ORMDL1: variants seen among roughly 807,000 people sequenced by gnomAD.
ORMDL1 encodes ORM1-like protein 1.
In ORMDL1, 10 loss-of-function variants were observed where a neutral mutation model predicts 13.0. That is an observed-to-expected ratio of 0.77 (90% CI 0.47 to 1.30). The LOEUF (loss-of-function observed/expected upper bound fraction) is 1.30. Ranked by LOEUF, ORMDL1 falls within the 50% of genes most tolerant of loss-of-function variation. The pLI, the probability that ORMDL1 is intolerant of heterozygous loss-of-function variation, is 0.00. For missense variants in ORMDL1, 171 were observed against 186.7 expected (o/e 0.92, Z 0.49); for synonymous variants, 61 against 63.9 (o/e 0.95, Z 0.22).
In ORMDL1 at chr2:189,782,494, A is replaced by T; in HGVS notation, c.102T>A (p.His34Gln). ...LTYALGVGLL[H>Q]IVLLSIPFFS... is the part of the protein sequence containing the mutation. ...AGAAGGGAATGCTGAGTAAGACAAT[A>T]TGAAGCAAGCCAACTCCCAATGCAT... Residue 34 changes from histidine (H) to glutamine (Q), a missense_variant, in exon 3 of 5, where the codon CAT becomes CAA. By Grantham distance (24) the His-to-Gln change is conservative. Coordinates refer to ENST00000392349, the MANE Select transcript of ORMDL1 (RefSeq NM_016467.5). The T allele has an allele frequency of 6.2e-7, 1 of 1,614,224 alleles. No homozygotes were observed. The highest frequency in any genetic ancestry group is 8.5e-7 in the Non-Finnish European group (1 of 1,180,016).
chr2:189,765,031 C>T, the ORMDL1 span: 1 of 152,082 alleles, frequency 6.6e-6, no homozygotes, highest in African/African-American at 2.4e-5. Flanking sequence ...TGACATTTCA[C>T]TATGTTGGCC....
downstream of ORMDL1, among the ~76,000 whole-genome samples, chr2:189,769,801 A>G (rs2047541130): frequency 6.6e-6 from 1 of 152,210 alleles, no homozygotes; most frequent in Non-Finnish European, 1.5e-5. Flanking sequence ...AATCATCACT[A>G]GAACTCCACA....
chr2:189,776,286 T>TA (rs1200863325), intron 3 of ORMDL1, among the ~76,000 whole-genome samples: 1 of 152,212 alleles, frequency 6.6e-6, no homozygotes, highest in African/African-American at 2.4e-5. Context: ...ATTCCCTTTT[T>TA]AAATCGCTAT....
At chr2:189,766,047 C>T (rs533993217), downstream of ORMDL1, among the ~76,000 whole-genome samples, 1 of 151,714 alleles carries the variant, frequency 6.6e-6, no homozygotes, top group African/African-American at 2.4e-5. Context: ...GGATGGTCTC[C>T]ATCTCTTGAC....
At chr2:189,784,044 C>G (rs571494262) in intron 1 of ORMDL1, 6 of 152,694 alleles carry the variant, frequency 3.9e-5, no homozygotes, top group African/African-American at 1.4e-4. Context: ...TCCCCCAACC[C>G]GCCCCTTCCT....
At position 189,771,789 on chromosome 2, in the gene ORMDL1, A is replaced by G; in HGVS notation, c.440T>C (p.Ile147Thr). ...PKMPQLHGVR[I>T]FGINKY ...ATTTCAATACTTATTAATTCCAAAG[A>G]TCCGAACACCATGTAGTTGTGGCAT... Residue 147 changes from isoleucine to threonine, a missense_variant, in exon 5 of 5, where the codon ATC (isoleucine) becomes ACC (threonine). Transcript: ENST00000392349. The G allele has an allele frequency of 1.2e-6, 2 of 1,600,630 alleles. No homozygotes were observed. The highest frequency in any genetic ancestry group is 1.7e-6 in the Non-Finnish European group (2 of 1,176,456).
chr2:189,777,845 A>C lies in ORMDL1; in HGVS notation c.175-2129T>G, dbSNP rs57960654. ...AAAGGCAAATATACTGTATTTTTCT[A>C]ACCGGGTGTAACAATTAGGTCCATT... On this transcript the variant is annotated intron_variant, in intron 3 of 4. Coordinates refer to ENST00000392349, the MANE Select transcript of ORMDL1 (RefSeq NM_016467.5). 9.2e-5 allele frequency among the ~76,000 whole-genome samples: 14 copies of C among 152,310 alleles called. No homozygotes were observed. The East Asian group carries it at 2.7e-3, about 29-fold the overall frequency.
chr2:189,782,641 T>C, intron 2 of ORMDL1, 39 bp from the exon 3 acceptor site: 2 of 1,570,838 alleles, frequency 1.3e-6, no homozygotes, highest in Non-Finnish European at 1.7e-6. Flanking sequence ...CTGATACAAC[T>C]GGCAACCTAA....
intron 3 of ORMDL1, among the ~76,000 whole-genome samples, chr2:189,781,206 A>T (rs11888722): frequency 0.012 from 1,831 of 152,256 alleles, 46 homozygotes; most frequent in African/African-American, 0.042. Flanking sequence ...TACAGGCATG[A>T]GCCACCGTGA....
Position 189,775,664 on chromosome 2 carries a change from T to A in ORMDL1, c.227A>T (p.Asp76Val), listed in dbSNP as rs1337466620. Residue 76 changes from aspartate (D) to valine (V), a missense_variant, in exon 4 of 5, where the codon GAC (aspartate) becomes GTC (valine). Physicochemically the swap from Asp to Val is radical, Grantham distance 152. Transcript: ENST00000392349. ...AVKGTPFETPDQGKARLLTHW... is the reference protein window; with the variant it reads ...AVKGTPFETPVQGKARLLTHW... ...AGTTAGGAGCCTTGCTTTACCCTGGTCAGGAGTTTCGAAAGGTGTTCCTTT... is the reference window on the plus strand; with the variant it reads ...AGTTAGGAGCCTTGCTTTACCCTGGACAGGAGTTTCGAAAGGTGTTCCTTT... The A allele has an allele frequency of 6.2e-7, 1 of 1,613,994 alleles. No individual in the cohort carries two copies. The highest frequency in any genetic ancestry group is 8.5e-7 in the Non-Finnish European group (1 of 1,179,892).
chr2:189,778,382 G>GA, intron 3 of ORMDL1: 1 of 453,884 alleles, frequency 2.2e-6, no homozygotes, highest in Non-Finnish European at 4.4e-6. Context: ...GTGACAGAGT[G>GA]AAACTCCGTC....
intron 4 of ORMDL1, 160 bp downstream of exon 4, chr2:189,775,405 A>G: frequency 2.8e-6 from 2 of 715,436 alleles, no homozygotes; most frequent in Non-Finnish European, 4.4e-6. Flanking sequence ...GTTTATTATC[A>G]ACTTGTTAAA....
chr2:189,777,267 G>C (rs2047720074), intron 3 of ORMDL1, among the ~76,000 whole-genome samples: 1 of 152,162 alleles, frequency 6.6e-6, no homozygotes, highest in African/African-American at 2.4e-5. Flanking sequence ...TCCAACATTA[G>C]AAATGTTGGA....
rs942688756 is a variant in ORMDL1, at chr2:189,782,578, G to A, written c.18C>T (p.Ala6=). ...GGGTATTTGGATTCACTTCACTGTG[G>A]GCAACTCCAACGTTCATGTTTGCTC... MNVGV[A]HSEVNPNTRV... The change falls in exon 3 of 5, where the codon GCC becomes GCT. Residue 6 remains alanine, a synonymous_variant. Transcript: ENST00000392349. The A allele has an allele frequency of 1.2e-5, 19 of 1,613,954 alleles. No individual in the cohort carries two copies. Among genetic ancestry groups the A allele is most frequent in the Non-Finnish European group, 1.6e-5 (19 of 1,179,930 alleles).
chr2:189,771,844 CTG>C lies in ORMDL1; in HGVS notation c.383_384del (p.Thr128SerfsTer23). The C allele has an allele frequency of 1.2e-6, 2 of 1,610,354 alleles. No homozygotes were observed. The highest frequency in any genetic ancestry group is 1.7e-6 in the Non-Finnish European group (2 of 1,177,226). ...GGAATTAGTACACTCAGGAGAGAAGCTGTGTTTAGGATGAAGTGAGTTGGATC... is the reference window on the plus strand; with the variant it reads ...GGAATTAGTACACTCAGGAGAGAAGCTGTTTAGGATGAAGTGAGTTGGATC... Reference protein sequence around the residue: ...KYDPTHFILNTASLLSVLIPK... With the variant: ...KYDPTHFILNXASLLSVLIPK... On this transcript the variant is annotated frameshift_variant, in exon 5 of 5. Transcript: ENST00000392349. LOFTEE classifies it high-confidence loss of function.
intron 3 of ORMDL1, among the ~76,000 whole-genome samples, chr2:189,776,770 A>G (rs2047706599): frequency 6.6e-6 from 1 of 152,190 alleles, no homozygotes; most frequent in South Asian, 2.1e-4. Context: ...CTCATGTTCA[A>G]TTGGATTTAA....
chr2:189,767,368 C>CATCT (rs1322954437), downstream of ORMDL1, among the ~76,000 whole-genome samples: 2 of 152,200 alleles, frequency 1.3e-5, no homozygotes, highest in African/African-American at 4.8e-5. Flanking sequence ...ACTAATAAAT[C>CATCT]ATCTGGCTTC....
chr2:189,770,047 C>G (rs930777671), downstream of ORMDL1, among the ~76,000 whole-genome samples: 5 of 152,238 alleles, frequency 3.3e-5, no homozygotes, highest in African/African-American at 1.2e-4. Flanking sequence ...TCCTCAATAC[C>G]TAACATAATT....
chr2:189,779,815 G>A (rs2047783135), intron 3 of ORMDL1, among the ~76,000 whole-genome samples: 1 of 152,202 alleles, frequency 6.6e-6, no homozygotes, highest in African/African-American at 2.4e-5. Context: ...GTAGAAGACA[G>A]TGCTCTGAGC....
Sources: gnomAD v4.1 joint callset for allele counts (sites outside exome capture counted in the v4.1 genomes callset) on GRCh38, gnomAD v4.1.1 for gene constraint, MANE v1.5 for transcripts, NCBI Gene and HGNC (gene_info 2026-07-23, HGNC 2026-07-21) for gene names.